The following PAPPA2 variants were observed in gnomAD, a reference collection of about 807,000 sequenced individuals.
PAPPA2 encodes the protein pappalysin 2.
Under a neutral mutation model 176.4 loss-of-function variants are expected in PAPPA2, and 86 were observed. The observed-to-expected ratio is 0.49, with a 90% CI of 0.41 to 0.58. The LOEUF is 0.58. Among genes scored for constraint, PAPPA2 ranks in the 20% least tolerant of loss-of-function variants. The probability of loss-of-function intolerance (pLI) is 0.00; values close to 1 mark genes in which losing one functional copy is unlikely to be tolerated. For missense variants in PAPPA2, 2,073 were observed against 2,256.9 expected (o/e 0.92, Z 1.65); for synonymous variants, 809 against 852.2 (o/e 0.95, Z 0.88).
intron 3 of PAPPA2, 91 bp from the exon 4 acceptor site, chr1:176,670,879 A>G (rs1211705607): frequency 8.3e-5 from 125 of 1,502,660 alleles, no homozygotes; most frequent in Non-Finnish European, 1.1e-4. Flanking sequence ...GCTGGCTGGG[A>G]GTGCCATTAG....
chr1:176,571,383 A>G (rs923776670), intron 2 of PAPPA2, among the ~76,000 whole-genome samples: 2 of 152,226 alleles, frequency 1.3e-5, no homozygotes, highest in African/African-American at 4.8e-5. Flanking sequence ...TGGCAAATTG[A>G]AGTCCCTCAT....
rs758841794 is a variant in PAPPA2, at chr1:176,692,110, T to A, written c.2432-16T>A. On this transcript the variant is annotated splice_polypyrimidine_tract_variant and intron_variant, in intron 5 of 22. Coordinates refer to ENST00000367662, the MANE Select transcript of PAPPA2 (RefSeq NM_020318.3). ...TAAAATCTCCATCTCTTGTGCCACC[T>A]TTTTTGTCTCCACAGATGATAACTG... is the stretch of plus-strand genomic sequence containing the variant. The A allele has an allele frequency of 2.5e-6, 4 of 1,593,502 alleles. No individual in the cohort carries two copies. Among genetic ancestry groups the A allele is most frequent in the Non-Finnish European group, 3.4e-6 (4 of 1,165,256 alleles).
At chr1:176,666,559 A>ATGTG (rs1354206994) in intron 3 of PAPPA2, among the ~76,000 whole-genome samples, 3 of 123,262 alleles carry the variant, frequency 2.4e-5, no homozygotes, top group African/African-American at 1.1e-4. Flanking sequence ...AAGTAAATAT[A>ATGTG]TATGTGTGTG....
At chr1:176,721,836 C>T (rs1294117700) in intron 12 of PAPPA2, among the ~76,000 whole-genome samples, 3 of 151,900 alleles carry the variant, frequency 2.0e-5, no homozygotes, top group Admixed American at 2.0e-4. Flanking sequence ...ATTCCTTCTG[C>T]TCATTTACTT....
intron 1 of PAPPA2, among the ~76,000 whole-genome samples, chr1:176,520,926 G>A (rs923345775): frequency 5.3e-5 from 8 of 152,056 alleles, no homozygotes; most frequent in Admixed American, 5.2e-4. Context: ...GCCATCCTGG[G>A]TAACATAGCA....
intron 3 of PAPPA2, among the ~76,000 whole-genome samples, chr1:176,668,856 C>T (rs1407680195): frequency 1.3e-5 from 2 of 152,092 alleles, no homozygotes; most frequent in African/African-American, 4.8e-5. Flanking sequence ...CAGTTTGCCA[C>T]CAGCATGACA....
At chr1:176,692,080 T>G in intron 5 of PAPPA2, 46 bp from the exon 6 acceptor site, 2 of 1,536,124 alleles carry the variant, frequency 1.3e-6, no homozygotes, top group Non-Finnish European at 1.8e-6. Flanking sequence ...GTGGACTTGA[T>G]GGGTTAAAAT....
At chr1:176,771,267 AG>A in intron 17 of PAPPA2, 87 bp downstream of exon 17, 1 of 1,364,120 alleles carries the variant, frequency 7.3e-7, no homozygotes. Context: ...CTTTACCTGC[AG>A]GGCTATATTC....
chr1:176,661,681 C>A (rs1015901), intron 3 of PAPPA2, among the ~76,000 whole-genome samples: 75,343 of 151,494 alleles, frequency 0.5, 20,859 homozygotes, highest in African/African-American at 0.73. Context: ...CGGTCATCTC[C>A]CAGTCACCTT....
chr1:176,575,075 G>A (rs1449275321), intron 2 of PAPPA2, among the ~76,000 whole-genome samples: 2 of 152,212 alleles, frequency 1.3e-5, no homozygotes, highest in Admixed American at 1.3e-4. Context: ...AGTAGGTGAT[G>A]AGTGCCTAAA....
chr1:176,804,326 A>G (rs1024303021), intron 21 of PAPPA2, among the ~76,000 whole-genome samples: 1 of 152,028 alleles, frequency 6.6e-6, no homozygotes, highest in African/African-American at 2.4e-5. Flanking sequence ...TGCACCCACC[A>G]CTTCTCACAT....
intron 1 of PAPPA2, among the ~76,000 whole-genome samples, chr1:176,474,588 T>C (rs1285240946): frequency 6.6e-6 from 1 of 152,122 alleles, no homozygotes; most frequent in African/African-American, 2.4e-5. Context: ...TCCAGATAAA[T>C]TTAAAAGGAT....
At chr1:176,531,401 T>A (rs1649799706) in intron 1 of PAPPA2, among the ~76,000 whole-genome samples, 1 of 152,214 alleles carries the variant, frequency 6.6e-6, no homozygotes, top group Non-Finnish European at 1.5e-5. Flanking sequence ...TATAGAATGC[T>A]TATACCATGA....
chr1:176,762,913 C>A (rs1663763085), intron 14 of PAPPA2, among the ~76,000 whole-genome samples: 4 of 152,282 alleles, frequency 2.6e-5, no homozygotes, highest in Middle Eastern at 6.8e-3. Flanking sequence ...ATTTTCTTCA[C>A]ACCGATCACC....
chr1:176,473,996 T>G (rs1652003790), intron 1 of PAPPA2, among the ~76,000 whole-genome samples: 2 of 152,206 alleles, frequency 1.3e-5, no homozygotes, highest in South Asian at 4.1e-4. Flanking sequence ...GATGGAATTT[T>G]TGGAACAGGT....
intron 21 of PAPPA2, among the ~76,000 whole-genome samples, chr1:176,823,482 A>T (rs1666741101): frequency 6.6e-6 from 1 of 152,218 alleles, no homozygotes; most frequent in South Asian, 2.1e-4. Context: ...GCTTATAAAT[A>T]GAAGAATATG....
chr1:176,673,338 A>G (rs919462479), intron 4 of PAPPA2, among the ~76,000 whole-genome samples: 3 of 152,130 alleles, frequency 2.0e-5, no homozygotes, highest in Admixed American at 2.0e-4. Flanking sequence ...TCCATTTAAT[A>G]GTGAGTATGG....
chr1:176,623,726 CT>C (rs1655811078), intron 3 of PAPPA2, among the ~76,000 whole-genome samples: 12 of 97,430 alleles, frequency 1.2e-4, no homozygotes, highest in Admixed American at 2.0e-4. Flanking sequence ...TTCTTTCTTT[CT>C]CTTTCTTTCT....
In PAPPA2 at chr1:176,671,086, C is replaced by A; in HGVS notation, c.2108C>A (p.Pro703His). The change falls in exon 4 of 23, where the codon CCT (proline) becomes CAT (histidine). Residue 703 changes from proline (P) to histidine (H), a missense_variant. By Grantham distance (77) the Pro-to-His change is moderately conservative. Coordinates refer to ENST00000367662, the MANE Select transcript of PAPPA2 (RefSeq NM_020318.3). ...GACCTTGCAGGTGCTGCCACCTGGCCTTGGGACAAGGACGCTGTCACTCAC... is the reference window on the plus strand; with the variant it reads ...GACCTTGCAGGTGCTGCCACCTGGCATTGGGACAAGGACGCTGTCACTCAC... Reference protein sequence around the residue: ...REDLAGAATWPWDKDAVTHLG... With the variant: ...REDLAGAATWHWDKDAVTHLG... 1 of 1,613,878 alleles carries A rather than the reference C, an allele frequency of 6.2e-7. No individual in the cohort carries two copies. The highest frequency in any genetic ancestry group is 8.5e-7 in the Non-Finnish European group (1 of 1,179,880).
Sources: gnomAD v4.1 joint callset for allele counts (sites outside exome capture counted in the v4.1 genomes callset) on GRCh38, gnomAD v4.1.1 for gene constraint, MANE v1.5 for transcripts, NCBI Gene and HGNC (gene_info 2026-07-23, HGNC 2026-07-21) for gene names.